Variants in TBC1D32 observed in about 807,000 individuals in gnomAD.
TBC1D32 encodes the protein TBC1 domain family member 32, also known as protein broad-minded.
TBC1D32 carries 151 observed loss-of-function variants against 170.3 expected under a neutral mutation model. The ratio of observed to expected loss-of-function variants is 0.89; its 90% confidence interval spans 0.78 to 1.01. The LOEUF is 1.01. Ranked by LOEUF, TBC1D32 falls within the 50% of genes least tolerant of loss-of-function variation. The pLI is 0.00. For synonymous variants in TBC1D32, 498 were observed against 488.0 expected, an observed-to-expected ratio of 1.02 and a Z score of -0.27; for missense variants, 1,464 against 1,457.1, an observed-to-expected ratio of 1.00 and a Z score of -0.08.
intron 24 of TBC1D32, among the ~76,000 whole-genome samples, chr6:121,154,812 A>G (rs1026514643): frequency 6.6e-6 from 1 of 152,182 alleles, no homozygotes; most frequent in South Asian, 2.1e-4. Flanking sequence ...GTCTAATAGT[A>G]AGTGTGTAGG....
chr6:121,233,081 T>G (rs1795938567), intron 20 of TBC1D32, among the ~76,000 whole-genome samples: 1 of 152,150 alleles, frequency 6.6e-6, no homozygotes, highest in African/African-American at 2.4e-5. Context: ...GTACCTGATA[T>G]AATTTTGATT....
intron 22 of TBC1D32, among the ~76,000 whole-genome samples, chr6:121,185,905 G>A (rs2128279886): frequency 6.6e-6 from 1 of 152,138 alleles, no homozygotes; most frequent in South Asian, 2.1e-4. Flanking sequence ...AAACTCAGTA[G>A]GATATCACGC....
At chr6:121,160,676 G>A (rs190835786) in intron 23 of TBC1D32, among the ~76,000 whole-genome samples, 30 of 152,152 alleles carry the variant, frequency 2.0e-4, no homozygotes, top group African/African-American at 4.8e-4. Flanking sequence ...ATTCAAAGGC[G>A]CATAAGAAAA....
intron 31 of TBC1D32, 128 bp downstream of exon 31, chr6:121,090,722 GGAT>G (rs1467898267): frequency 1.2e-5 from 9 of 751,654 alleles, no homozygotes; most frequent in South Asian, 1.9e-5. Context: ...TCTAAAATGG[GGAT>G]GATAATAGTA....
chr6:121,189,132 A>G (rs1789589980), intron 22 of TBC1D32, among the ~76,000 whole-genome samples: 1 of 152,182 alleles, frequency 6.6e-6, no homozygotes, highest in South Asian at 2.1e-4. Flanking sequence ...TTGACATCCC[A>G]AAGAAGTTTA....
intron 31 of TBC1D32, among the ~76,000 whole-genome samples, chr6:121,082,589 C>T (rs17083139): frequency 0.19 from 29,285 of 151,780 alleles, 3,928 homozygotes; most frequent in African/African-American, 0.36. Context: ...ACTTATTGTT[C>T]ATTAAATACG....
At chr6:121,254,413 T>G (rs1798702048) in intron 17 of TBC1D32, among the ~76,000 whole-genome samples, 1 of 151,928 alleles carries the variant, frequency 6.6e-6, no homozygotes, top group African/African-American at 2.4e-5. Context: ...ACTACTGAAA[T>G]TAAAAATGAA....
Position 121,112,988 on chromosome 6 carries a change from A to C in TBC1D32, c.3169+74T>G. ...GTACTACTTTACTATAAATGTGTCA[A>C]GGTATATCATCAAAGAATCATGAAA... On this transcript the variant is annotated intron_variant, in intron 28 of 31. Transcript: ENST00000398212. 3 of 1,057,930 alleles carry C rather than the reference A, an allele frequency of 2.8e-6. No individual in the cohort carries two copies. In the South Asian group the frequency reaches 4.5e-5, roughly 16 times the overall value. The allele number at this position is 1,057,930 out of a possible 1,614,324, so 65.5% of individuals were successfully genotyped here. A position where few individuals can be genotyped will look rare whatever the true frequency, so the allele number is the denominator to read the frequency against.
Position 121,242,227 on chromosome 6 carries a change from A to T in TBC1D32, c.2131T>A (p.Phe711Ile). The T allele has an allele frequency of 6.2e-7, 1 of 1,612,412 alleles. No homozygotes were observed. Among genetic ancestry groups the T allele is most frequent in the South Asian group, 1.1e-5 (1 of 90,800 alleles). The part of the protein sequence containing the change: ...GAINECVTFI[F>I]NRYAKKLQVS... ...TGTAATTTTTTTGCATATCGATTGA[A>T]TATAAATGTCACACATTCATTGATA... The change falls in exon 18 of 32, where the codon TTC (phenylalanine) becomes ATC (isoleucine). Residue 711 changes from phenylalanine to isoleucine, a missense_variant. Around this residue, in one of 3 missense-constraint regions of TBC1D32, gnomAD observed 1,363 missense variants for 1,338.1 expected, o/e 1.02. Coordinates refer to ENST00000398212, the MANE Select transcript of TBC1D32 (RefSeq NM_152730.6).
intron 22 of TBC1D32, among the ~76,000 whole-genome samples, chr6:121,170,696 C>G (rs1333384371): frequency 6.6e-6 from 1 of 151,998 alleles, no homozygotes; most frequent in Admixed American, 6.6e-5. Context: ...GTAATCTCCT[C>G]TTCAAAAGTT....
In TBC1D32 at chr6:121,136,447, G is replaced by C. The variant is rs1782085418; in HGVS notation, c.2774-4695C>G. The stretch of plus-strand genomic sequence containing the variant: ...GCAGTGTCTATAGACATTTCTGATT[G>C]TCACAACTGAGAAGAGAGAGGGAGA... On this transcript the variant is annotated intron_variant, in intron 24 of 31. Coordinates refer to ENST00000398212, the MANE Select transcript of TBC1D32 (RefSeq NM_152730.6). Among the ~76,000 whole-genome samples, 3 of 152,292 alleles carry C rather than the reference G, an allele frequency of 2.0e-5. No homozygotes were observed. In the South Asian group the frequency reaches 6.2e-4, roughly 32 times the overall value.
chr6:121,112,451 G>A, intron 29 of TBC1D32, 54 bp downstream of exon 29: 2 of 1,486,980 alleles, frequency 1.3e-6, no homozygotes, highest in Non-Finnish European at 1.8e-6. Flanking sequence ...GTGAATGTAA[G>A]TATAATGTTC....
At chr6:121,319,364 C>A (rs1248209061) in intron 2 of TBC1D32, among the ~76,000 whole-genome samples, 1 of 152,118 alleles carries the variant, frequency 6.6e-6, no homozygotes, top group Non-Finnish European at 1.5e-5. Context: ...AGAGGCCCAG[C>A]TTCTGCCTCT....
At chr6:121,240,072 G>C (rs1563033327) in intron 19 of TBC1D32, among the ~76,000 whole-genome samples, 1 of 152,116 alleles carries the variant, frequency 6.6e-6, no homozygotes, top group Non-Finnish European at 1.5e-5. Flanking sequence ...AGGTTGCCAT[G>C]AAGTATCAAC....
chr6:121,271,015 T>C (rs747753293), intron 15 of TBC1D32, among the ~76,000 whole-genome samples: 2 of 152,100 alleles, frequency 1.3e-5, no homozygotes, highest in Non-Finnish European at 2.9e-5. Flanking sequence ...AAAAACCACA[T>C]GATTATCTCA....
At chr6:121,137,490 A>AC (rs1262785070) in intron 24 of TBC1D32, among the ~76,000 whole-genome samples, 1 of 151,444 alleles carries the variant, frequency 6.6e-6, no homozygotes, top group African/African-American at 2.4e-5. Context: ...AAAAAAAAAA[A>AC]AAAACAACTA....
At chr6:121,175,413 T>C (rs1352478766) in intron 22 of TBC1D32, among the ~76,000 whole-genome samples, 1 of 152,200 alleles carries the variant, frequency 6.6e-6, no homozygotes, top group African/African-American at 2.4e-5. Flanking sequence ...CGTAAGACTT[T>C]TAAAATCTTA....
chr6:121,286,077 G>A (rs1247973564), intron 12 of TBC1D32, among the ~76,000 whole-genome samples: 2 of 152,156 alleles, frequency 1.3e-5, no homozygotes, highest in Non-Finnish European at 2.9e-5. Context: ...AAAAATCAGA[G>A]CGCCTCTCCT....
intron 9 of TBC1D32, among the ~76,000 whole-genome samples, chr6:121,301,456 G>A (rs117595934): frequency 0.033 from 4,993 of 152,096 alleles, 194 homozygotes; most frequent in East Asian, 0.12. Context: ...CAAACACAGC[G>A]TGTTCTCACT....
Sources: gnomAD v4.1 joint callset for allele counts (sites outside exome capture counted in the v4.1 genomes callset) on GRCh38, gnomAD v4.1.1 for gene constraint, gnomAD v4.1.1 regional missense constraint, MANE v1.5 for transcripts, NCBI Gene and HGNC (gene_info 2026-07-23, HGNC 2026-07-21) for gene names.